Variants in CDC25B observed in about 807,000 individuals in gnomAD.
CDC25B encodes cell division cycle 25B.
Under a neutral mutation model 69.8 loss-of-function variants are expected in CDC25B, and 33 were observed. The ratio of observed to expected loss-of-function variants is 0.47; its 90% CI spans 0.36 to 0.63. The LOEUF (loss-of-function observed/expected upper bound fraction) is 0.63, where lower values mean the gene tolerates loss of function less well. Among genes scored for constraint, CDC25B ranks in the 30% least tolerant of loss-of-function variants. The probability of loss-of-function intolerance (pLI) is 0.00; values close to 1 mark genes in which losing one functional copy is unlikely to be tolerated. For synonymous variants in CDC25B, 341 were observed against 314.6 expected (o/e 1.08, Z -0.89); for missense variants, 727 against 809.1 (o/e 0.90, Z 1.23).
Position 3,804,645 on chromosome 20 carries a change from A to G in CDC25B, c.1567A>G (p.Lys523Glu), listed in dbSNP as rs1568513640. 6.2e-7 allele frequency: 1 copy of G among 1,613,962 alleles called. No individual in the cohort carries two copies. The highest frequency in any genetic ancestry group is 8.5e-7 in the Non-Finnish European group (1 of 1,179,876). Residue 523 changes from lysine (K) to glutamate (E), a missense_variant, in exon 15 of 16, where the codon AAA becomes GAA. Physicochemically the swap from Lys to Glu is moderately conservative, Grantham distance 56. Transcript: ENST00000245960. Reference protein sequence around the residue: ...SLYYPEMYILKGGYKEFFPQH... With the variant: ...SLYYPEMYILEGGYKEFFPQH... ...CTACTACCCTGAGATGTATATCCTG[A>G]AAGGCGGCTACAAGGAGTTCTTCCC...
intron 5 of CDC25B, 56 bp from the exon 6 acceptor site, chr20:3,800,687 G>A (rs11570002): frequency 3.1e-6 from 5 of 1,599,874 alleles, no homozygotes; most frequent in East Asian, 2.2e-5. Context: ...GCCTGGGCTC[G>A]TGCCGGAGGA....
chr20:3,805,273 C>G lies in CDC25B; in HGVS notation c.*312C>G. ...TTCCTTGTTAGGGTTAACCCTTCAT[C>G]TTCCTGTGTCCTGAAACGCTCCTTT... On this transcript the variant is annotated 3_prime_UTR_variant, in exon 16 of 16. Transcript: ENST00000245960. 1 of 402,650 alleles carries G rather than the reference C, an allele frequency of 2.5e-6. No individual in the cohort carries two copies. The highest frequency in any genetic ancestry group is 4.6e-6 in the Non-Finnish European group (1 of 218,344). The allele number at this position is 402,650 out of a possible 1,614,324, so 24.9% of individuals were successfully genotyped here.
upstream of CDC25B, chr20:3,796,206 T>C: frequency 9.1e-7 from 1 of 1,101,582 alleles, no homozygotes; most frequent in Non-Finnish European, 1.1e-6. Flanking sequence ...GGCCCCGCCC[T>C]CAGTCCCGCC....
chr20:3,801,828 G>A (rs759924487), intron 9 of CDC25B, 26 bp downstream of exon 9: 11 of 1,586,364 alleles, frequency 6.9e-6, no homozygotes, highest in African/African-American at 4.0e-5. Flanking sequence ...GGCCCCCTCC[G>A]AATTTGGAGG....
intron 1 of CDC25B, among the ~76,000 whole-genome samples, chr20:3,789,774 G>C (rs866571409): frequency 6.6e-6 from 1 of 152,188 alleles, no homozygotes; most frequent in Non-Finnish European, 1.5e-5. Context: ...CAGATTACGA[G>C]GTCAGGAGAT....
In CDC25B at chr20:3,797,636, G is replaced by A; in HGVS notation, c.215G>A (p.Ser72Asn). 6.2e-7 allele frequency: 1 copy of A among 1,614,128 alleles called. No individual in the cohort carries two copies. Among genetic ancestry groups the A allele is most frequent in the African/African-American group, 1.3e-5 (1 of 75,040 alleles). ...LAGLGSETPK[S>N]QVGTLLFRSR... ...TCCCTTCCCAGCGAAACCCCAAAGA[G>A]TCAGGTAGGGACCCTGCTCTTCCGC... The change falls in exon 2 of 16, where the codon AGT (serine) becomes AAT (asparagine). Residue 72 changes from serine to asparagine, a missense_variant. This residue lies in a region of CDC25B where 368 missense variants were observed against 345.6 expected (regional missense o/e 1.06). Coordinates refer to ENST00000245960, the MANE Select transcript of CDC25B (RefSeq NM_021873.4).
chr20:3,801,464 T>C, intron 8 of CDC25B, 76 bp downstream of exon 8: 1 of 1,489,388 alleles, frequency 6.7e-7, no homozygotes, highest in Non-Finnish European at 9.1e-7. Flanking sequence ...TCTGAGCCCT[T>C]GTGGCAGGAC....
In CDC25B at chr20:3,801,983, C is replaced by T. The variant is rs767220615; in HGVS notation, c.981C>T (p.Ser327=). 1.1e-5 allele frequency: 18 copies of T among 1,610,298 alleles called. No individual in the cohort carries two copies. The South Asian group carries it at 1.6e-4, about 14-fold the overall frequency. The part of the protein sequence containing the change: ...RLFRSPSMPC[S]VIRPILKRLE... ...TCCGCTCTCCGTCCATGCCCTGCAG[C>T]GTGATCCGGCCCATCCTCAAGAGGC... The change falls in exon 10 of 16, where the codon AGC becomes AGT. Residue 327 remains serine (S), a synonymous_variant. Transcript: ENST00000245960.
chr20:3,793,069 G>A (rs1020187501), upstream of CDC25B, among the ~76,000 whole-genome samples: 8 of 152,252 alleles, frequency 5.3e-5, no homozygotes, highest in South Asian at 8.3e-4. Context: ...ATAACATGTC[G>A]AATAATATTT....
rs1217802585 is a variant in CDC25B, at chr20:3,796,418, T to TCCCCCCCCCCCCCCCC, written c.-102_-101insCCCCCCCCCCCCCCCC. 5.3e-5 allele frequency: 8 copies of TCCCCCCCCCCCCCCCC among 152,060 alleles called. No homozygotes were observed. The highest frequency in any genetic ancestry group is 4.6e-4 in the Admixed American group (1 of 2,162). The allele number at this position is 152,060 out of a possible 1,614,324, so 9.4% of individuals were successfully genotyped here. On this transcript the variant is annotated 5_prime_UTR_variant, in exon 1 of 16. Transcript: ENST00000245960. ...CTGTGGCTCTTCCTCCCTCCCTCCT[T>TCCCCCCCCCCCCCCCC]CCCCCCCCCCCCACCCCTCGCCCGC... is the stretch of plus-strand genomic sequence containing the variant.
At position 3,796,719 on chromosome 20, in the gene CDC25B, C is replaced by G; in HGVS notation, c.188C>G (p.Ala63Gly). Residue 63 changes from alanine to glycine, a missense_variant, in exon 1 of 16, where the codon GCC (alanine) becomes GGC (glycine). Coordinates refer to ENST00000245960, the MANE Select transcript of CDC25B (RefSeq NM_021873.4). ...CTCACCCAGACCATGCACGACCTCG[C>G]CGGGCTCGGCAGGTAGGACACCCCA... The part of the protein sequence containing the change: ...TTLTQTMHDL[A>G]GLGSETPKSQ... The G allele has an allele frequency of 6.4e-7, 1 of 1,568,908 alleles. No individual in the cohort carries two copies. The highest frequency in any genetic ancestry group is 8.6e-7 in the Non-Finnish European group (1 of 1,166,606).
intron 1 of CDC25B, among the ~76,000 whole-genome samples, chr20:3,797,404 G>T (rs1171569433): frequency 6.6e-6 from 1 of 152,214 alleles, no homozygotes; most frequent in Non-Finnish European, 1.5e-5. Context: ...CTCCTGAGAG[G>T]ACCTTTCCTA....
chr20:3,801,433 G>T, intron 8 of CDC25B, 45 bp downstream of exon 8: 1 of 1,548,942 alleles, frequency 6.5e-7, no homozygotes, highest in Non-Finnish European at 8.7e-7. Flanking sequence ...CTATCCCTGG[G>T]TTCGCCCAAA....
chr20:3,796,797 GAGAACTGGGCATGGT>G, intron 1 of CDC25B, 66 bp downstream of exon 1: 1 of 1,499,104 alleles, frequency 6.7e-7, no homozygotes, highest in Middle Eastern at 2.1e-4. Flanking sequence ...GGGCCTCCTG[GAGAACTGGGCATGGT>G]AGTCGAATCC....
In CDC25B at chr20:3,801,090, G is replaced by C; in HGVS notation, c.702G>C (p.Leu234=). The C allele has an allele frequency of 1.2e-6, 2 of 1,614,054 alleles. No individual in the cohort carries two copies. The change falls in exon 7 of 16, where the codon CTG becomes CTC. Residue 234 remains leucine, a synonymous_variant. Transcript: ENST00000245960. The stretch of plus-strand genomic sequence containing the variant: ...AGAGACCCAGCTCGGCCCCCGACCT[G>C]ATGGTACATCCAGAGAGCGGATCCC... ...FAQRPSSAPD[L]MCLSPDRKME...
chr20:3,802,137 A>G, intron 10 of CDC25B, 37 bp downstream of exon 10: 1 of 1,538,208 alleles, frequency 6.5e-7, no homozygotes, highest in Non-Finnish European at 8.8e-7. Context: ...TTTGGCATGC[A>G]CCTGGGCAGC....
At chr20:3,800,887 G>A (rs747493600) in intron 6 of CDC25B, 22 bp downstream of exon 6, 7 of 1,613,292 alleles carry the variant, frequency 4.3e-6, no homozygotes, top group African/African-American at 1.3e-5. Context: ...GAAGGCCGGG[G>A]TGGGAGCTCT....
At position 3,805,246 on chromosome 20, in the gene CDC25B, G is replaced by C. The variant is rs564263612; in HGVS notation, c.*285G>C. 1.9e-4 allele frequency: 87 copies of C among 459,062 alleles called. No individual in the cohort carries two copies. Among genetic ancestry groups the C allele is most frequent in the Non-Finnish European group, 3.0e-4 (77 of 252,664 alleles). The allele number at this position is 459,062 out of a possible 1,614,324, so 28.4% of individuals were successfully genotyped here. On this transcript the variant is annotated 3_prime_UTR_variant, in exon 16 of 16. Coordinates refer to ENST00000245960, the MANE Select transcript of CDC25B (RefSeq NM_021873.4). ...ATTTTGTGTCCTCCAGGAGCTTCTTGTTTCCTTGTTAGGGTTAACCCTTCA... is the reference window on the plus strand; with the variant it reads ...ATTTTGTGTCCTCCAGGAGCTTCTTCTTTCCTTGTTAGGGTTAACCCTTCA...
rs1296707909 is a variant in CDC25B, at chr20:3,804,585, G to A, written c.1507G>A (p.Glu503Lys). 6.2e-7 allele frequency: 1 copy of A among 1,613,744 alleles called. No individual in the cohort carries two copies. The highest frequency in any genetic ancestry group is 1.1e-5 in the South Asian group (1 of 91,072). ...ACGCCCCAGGTGCCGTTTCATCAGGGAACGAGACCGTGCTGTCAACGACTA... is the reference window on the plus strand; with the variant it reads ...ACGCCCCAGGTGCCGTTTCATCAGGAAACGAGACCGTGCTGTCAACGACTA... ...RGPRMCRFIR[E>K]RDRAVNDYPS... is the part of the protein sequence containing the mutation. The change falls in exon 15 of 16, where the codon GAA becomes AAA. Residue 503 changes from glutamate to lysine, a missense_variant. Around this residue, in one of 2 missense-constraint regions of CDC25B, gnomAD observed 359 missense variants for 463.4 expected, o/e 0.77. Transcript: ENST00000245960.
Sources: gnomAD v4.1 joint callset for allele counts (sites outside exome capture counted in the v4.1 genomes callset) on GRCh38, gnomAD v4.1.1 for gene constraint, gnomAD v4.1.1 regional missense constraint, MANE v1.5 for transcripts, NCBI Gene and HGNC (gene_info 2026-07-23, HGNC 2026-07-21) for gene names.